Variants in C18orf63 observed in about 807,000 individuals in gnomAD.
C18orf63 encodes chromosome 18 open reading frame 63, also known as uncharacterized protein C18orf63.
A neutral mutation model predicts 75.3 loss-of-function variants in C18orf63; 50 were observed. The ratio of observed to expected loss-of-function variants is 0.66; its 90% CI spans 0.53 to 0.84. The LOEUF is 0.84. Among genes scored for constraint, C18orf63 ranks in the 40% least tolerant of loss-of-function variants. C18orf63 has a pLI of 0.00. For missense variants in C18orf63, 732 were observed against 800.2 expected (o/e 0.91, Z 1.03); for synonymous variants, 232 against 267.6 (o/e 0.87, Z 1.30).
chr18:74,331,856 G>T (rs1236929184), intron 7 of C18orf63, among the ~76,000 whole-genome samples: 1 of 152,082 alleles, frequency 6.6e-6, no homozygotes, highest in Non-Finnish European at 1.5e-5. Context: ...TTAATTCTTT[G>T]ATTACCTCTT....
chr18:74,345,467 A>G (rs1161969698), intron 11 of C18orf63, among the ~76,000 whole-genome samples: 3 of 152,094 alleles, frequency 2.0e-5, no homozygotes, highest in South Asian at 2.1e-4. Context: ...ACCCAAAGTC[A>G]TGAAGGTATT....
chr18:74,316,172 A>C (rs1409651479), intron 1 of C18orf63, 63 bp downstream of exon 1: 1 of 152,136 alleles, frequency 6.6e-6, no homozygotes, highest in Non-Finnish European at 1.5e-5. Context: ...GGCCGCCATG[A>C]GGGCAGGATC....
chr18:74,329,651 T>C (rs560347988), intron 6 of C18orf63, among the ~76,000 whole-genome samples: 3 of 152,312 alleles, frequency 2.0e-5, no homozygotes, highest in African/African-American at 7.2e-5. Context: ...CAGAATCATA[T>C]CATCAAAAAT....
intron 8 of C18orf63, among the ~76,000 whole-genome samples, chr18:74,339,265 AAG>A (rs1442243925): frequency 1.3e-5 from 2 of 152,062 alleles, no homozygotes; most frequent in African/African-American, 2.4e-5. Context: ...GCTTAGGAAA[AAG>A]AACTTCAGTA....
At chr18:74,316,997 A>G (rs917896619) in intron 1 of C18orf63, among the ~76,000 whole-genome samples, 1 of 152,236 alleles carries the variant, frequency 6.6e-6, no homozygotes, top group Admixed American at 6.5e-5. Flanking sequence ...CTACTGTATT[A>G]CATTCCTGCT....
At chr18:74,350,684 G>A (rs1008006182) in intron 11 of C18orf63, among the ~76,000 whole-genome samples, 2 of 152,154 alleles carry the variant, frequency 1.3e-5, no homozygotes, top group African/African-American at 4.8e-5. Context: ...TCACTCAGCT[G>A]AGCAATGTCA....
chr18:74,329,127 G>C (rs1342281275), intron 6 of C18orf63, 91 bp downstream of exon 6: 1 of 838,928 alleles, frequency 1.2e-6, no homozygotes. Flanking sequence ...AGTGGCTCAC[G>C]CCTGTAATCC....
chr18:74,358,033 C>T lies in C18orf63; in HGVS notation c.*1586C>T, dbSNP rs11874939. 0.51 allele frequency: 77,543 copies of T among 151,990 alleles called. 20,428 individuals are homozygous for T. The highest frequency in any genetic ancestry group is 0.59 in the Middle Eastern group (172 of 294). The allele number at this position is 151,990 out of a possible 1,614,324, so 9.4% of individuals were successfully genotyped here. A position where few individuals can be genotyped will look rare whatever the true frequency, so the allele number is the denominator to read the frequency against. The stretch of plus-strand genomic sequence containing the variant: ...AACCAGCCTTCCCCACTGTTCCATA[C>T]ATTCCCAGGCCACCTTCCTGCTACT... On this transcript the variant is annotated 3_prime_UTR_variant, in exon 14 of 14. Transcript: ENST00000579455.
chr18:74,353,034 T>C (rs1399286990), intron 11 of C18orf63, among the ~76,000 whole-genome samples: 1 of 152,168 alleles, frequency 6.6e-6, no homozygotes, highest in African/African-American at 2.4e-5. Context: ...CTTAAGATAG[T>C]ATCTTGGATA....
At chr18:74,338,852 G>C in intron 8 of C18orf63, 28 bp downstream of exon 8, 1 of 1,026,746 alleles carries the variant, frequency 9.7e-7, no homozygotes, top group Non-Finnish European at 1.3e-6. Context: ...AATATCTAGG[G>C]TGGGTTCAAA....
At chr18:74,341,091 C>T (rs1238384773) in intron 8 of C18orf63, among the ~76,000 whole-genome samples, 10 of 150,784 alleles carry the variant, frequency 6.6e-5, no homozygotes, top group Admixed American at 5.9e-4. Flanking sequence ...GGTGAAACCC[C>T]GTCTCTACTA....
At chr18:74,339,736 A>G (rs1984448861) in intron 8 of C18orf63, among the ~76,000 whole-genome samples, 1 of 152,196 alleles carries the variant, frequency 6.6e-6, no homozygotes, top group South Asian at 2.1e-4. Flanking sequence ...TCTTATGTAT[A>G]GAAAACCCTA....
intron 8 of C18orf63, 122 bp from the exon 9 acceptor site, chr18:74,341,910 T>A: frequency 1.8e-6 from 1 of 549,998 alleles, no homozygotes. Flanking sequence ...ATGTTTAGTT[T>A]ACTATATATA....
chr18:74,357,788 T>C lies in C18orf63; in HGVS notation c.*1341T>C, dbSNP rs1467521692. 6.6e-6 allele frequency: 1 copy of C among 152,258 alleles called. No homozygotes were observed. Among genetic ancestry groups the C allele is most frequent in the African/African-American group, 2.4e-5 (1 of 41,462 alleles). 9.4% of individuals were successfully genotyped at this position (152,258 alleles called of 1,614,324 possible). ...AGCATTTCTGTTTTCCAGAATTATC[T>C]CTATTTCCCAATTATTTTACCATTT... On this transcript the variant is annotated 3_prime_UTR_variant, in exon 14 of 14. Transcript: ENST00000579455.
intron 7 of C18orf63, 118 bp from the exon 8 acceptor site, chr18:74,338,595 CTT>C (rs1460841275): frequency 7.1e-6 from 3 of 425,520 alleles, no homozygotes; most frequent in Non-Finnish European, 1.2e-5. Flanking sequence ...TTCAATGTAA[CTT>C]AAGTCTTTAA....
intron 11 of C18orf63, among the ~76,000 whole-genome samples, chr18:74,347,498 G>A (rs1430898053): frequency 6.6e-6 from 1 of 152,112 alleles, no homozygotes; most frequent in Non-Finnish European, 1.5e-5. Flanking sequence ...TTGGCCCTCT[G>A]TAACCTATTT....
chr18:74,343,903 TATA>T (rs1175637488), intron 11 of C18orf63, among the ~76,000 whole-genome samples: 2 of 152,154 alleles, frequency 1.3e-5, no homozygotes, highest in African/African-American at 4.8e-5. Context: ...AACATGGTAT[TATA>T]GTAGTAGTTG....
At position 74,351,791 on chromosome 18, in the gene C18orf63, A is replaced by G. The variant is rs953626465; in HGVS notation, c.979-1455A>G. Among the ~76,000 whole-genome samples, 4 of 152,196 alleles carry G rather than the reference A, an allele frequency of 2.6e-5. No homozygotes were observed. The East Asian group carries it at 5.8e-4, about 22-fold the overall frequency. On this transcript the variant is annotated intron_variant, in intron 11 of 13. Coordinates refer to ENST00000579455, the MANE Select transcript of C18orf63 (RefSeq NM_001174123.2). ...ATCTTTCCTATTCTCTTCTCAACCT[A>G]ATTCAACAATGGAACCTCCAGTAGT...
chr18:74,333,849 A>AT lies in C18orf63; in HGVS notation c.501+2909dup, dbSNP rs533233249. On this transcript the variant is annotated intron_variant, in intron 7 of 13. Transcript: ENST00000579455. Reference sequence around the variant, plus strand: ...GAAACACCAAAAATTGGGCAATAACATTCCTCTCCTCTATTCAACATTATA... The same window carrying AT: ...GAAACACCAAAAATTGGGCAATAACATTTCCTCTCCTCTATTCAACATTATA... Among the ~76,000 whole-genome samples the AT allele has an allele frequency of 3.9e-3, 597 of 152,282 alleles. 4 individuals carry two copies. Among genetic ancestry groups the AT allele is most frequent in the African/African-American group, 0.013 (531 of 41,540 alleles).
Sources: gnomAD v4.1 joint callset for allele counts (sites outside exome capture counted in the v4.1 genomes callset) on GRCh38, gnomAD v4.1.1 for gene constraint, MANE v1.5 for transcripts, NCBI Gene and HGNC (gene_info 2026-07-23, HGNC 2026-07-21) for gene names.